Variants in ANO2 observed in about 807,000 individuals in gnomAD.
ANO2 encodes the protein anoctamin-2.
In ANO2, 101 loss-of-function variants were observed where a neutral mutation model predicts 124.2. That is an observed-to-expected ratio of 0.81 (90% CI 0.69 to 0.96). ANO2 has a LOEUF of 0.96. Among genes scored for constraint, ANO2 ranks in the 40% least tolerant of loss-of-function variants. The probability of loss-of-function intolerance (pLI) is 0.00; values close to 1 mark genes in which losing one functional copy is unlikely to be tolerated. For synonymous variants in ANO2, 486 were observed against 482.5 expected (o/e 1.01, Z -0.09); for missense variants, 1,293 against 1,274.5 (o/e 1.01, Z -0.22).
intron 15 of ANO2, among the ~76,000 whole-genome samples, chr12:5,643,893 T>C (rs1038540697): frequency 6.6e-6 from 1 of 152,178 alleles, no homozygotes; most frequent in African/African-American, 2.4e-5. Flanking sequence ...GTTTTCCATG[T>C]TTTTTAATTC....
Position 5,628,707 on chromosome 12 carries a change from T to C in ANO2, c.1816+6445A>G, listed in dbSNP as rs532561368. Among the ~76,000 whole-genome samples, 36 of 152,124 alleles carry C rather than the reference T, an allele frequency of 2.4e-4. No homozygotes were observed. The Middle Eastern group carries it at 0.01, about 43-fold the overall frequency. On this transcript the variant is annotated intron_variant, in intron 16 of 24. Coordinates refer to ENST00000682330, the MANE Select transcript of ANO2 (RefSeq NM_001364791.2). ...GTGTGTGCGCGCGCGCACGCGTGCGTGCACATGTGCATGCATGCATGTGTA... is the reference window on the plus strand; with the variant it reads ...GTGTGTGCGCGCGCGCACGCGTGCGCGCACATGTGCATGCATGCATGTGTA...
At chr12:5,671,106 G>T (rs139263302) in intron 14 of ANO2, among the ~76,000 whole-genome samples, 5 of 152,170 alleles carry the variant, frequency 3.3e-5, no homozygotes, top group Admixed American at 3.3e-4. Flanking sequence ...GTAGAGGTTT[G>T]TGTCTACAAG....
At chr12:5,748,903 T>C (rs1951356312) in intron 11 of ANO2, among the ~76,000 whole-genome samples, 1 of 147,638 alleles carries the variant, frequency 6.8e-6, no homozygotes, top group Non-Finnish European at 1.5e-5. Context: ...ACAAAACACT[T>C]GACAATTGAT....
chr12:5,657,027 C>G (rs1947193572), intron 14 of ANO2, among the ~76,000 whole-genome samples: 1 of 152,108 alleles, frequency 6.6e-6, no homozygotes, highest in Non-Finnish European at 1.5e-5. Context: ...CCACAGGGAA[C>G]TGTGGATGGA....
In ANO2 at chr12:5,758,992, CA is replaced by C. The variant is rs545450597; in HGVS notation, c.1056-8023del. Among the ~76,000 whole-genome samples the C allele has an allele frequency of 1.9e-3, 284 of 151,404 alleles. 2 individuals are homozygous for C. Among genetic ancestry groups the C allele is most frequent in the African/African-American group, 6.6e-3 (273 of 41,280 alleles). ...ACAAAAGATGTATCAAAAGAAAATA[CA>C]AAGGGAAAAAAGAGTGAGGAAAAAC... On this transcript the variant is annotated intron_variant, in intron 10 of 24. Coordinates refer to ENST00000682330, the MANE Select transcript of ANO2 (RefSeq NM_001364791.2).
chr12:5,805,357 G>C (rs1382555646), intron 9 of ANO2, among the ~76,000 whole-genome samples: 2 of 152,132 alleles, frequency 1.3e-5, no homozygotes, highest in African/African-American at 4.8e-5. Flanking sequence ...GTTGTTGAAG[G>C]TGGGGAGAAG....
chr12:5,896,753 AT>A (rs1367667813), intron 3 of ANO2, among the ~76,000 whole-genome samples: 1 of 152,250 alleles, frequency 6.6e-6, no homozygotes, highest in Non-Finnish European at 1.5e-5. Flanking sequence ...TCTCAAAGAA[AT>A]TAAATATTTT....
At chr12:5,661,773 A>G (rs1180784750) in intron 14 of ANO2, among the ~76,000 whole-genome samples, 3 of 152,108 alleles carry the variant, frequency 2.0e-5, no homozygotes, top group Non-Finnish European at 2.9e-5. Context: ...AGGGCCAGGA[A>G]TCTGTTTTTG....
At chr12:5,771,589 G>A (rs1952083313) in intron 10 of ANO2, among the ~76,000 whole-genome samples, 1 of 152,004 alleles carries the variant, frequency 6.6e-6, no homozygotes, top group South Asian at 2.1e-4. Context: ...AGACCAGCCT[G>A]GCCATCAAGA....
chr12:5,721,358 C>T (rs541902134), intron 14 of ANO2, among the ~76,000 whole-genome samples: 3 of 152,338 alleles, frequency 2.0e-5, no homozygotes, highest in South Asian at 4.1e-4. Context: ...CCCACAGTTT[C>T]CACAGGCTGT....
intron 16 of ANO2, among the ~76,000 whole-genome samples, chr12:5,628,681 TGTGTGTGCGCGC>T (rs1318410150): frequency 6.6e-6 from 1 of 151,826 alleles, no homozygotes; most frequent in East Asian, 1.9e-4. Context: ...TGTGTGTGTG[TGTGTGTGCGCGC>T]GCGCACGCGT....
intron 17 of ANO2, 46 bp from the exon 18 acceptor site, chr12:5,613,004 C>T (rs1338877767): frequency 1.6e-5 from 25 of 1,595,362 alleles, no homozygotes; most frequent in Non-Finnish European, 2.1e-5. Flanking sequence ...AGAAAGCATG[C>T]AGGGTGGCTC....
At chr12:5,743,529 C>T (rs1951172880) in intron 12 of ANO2, among the ~76,000 whole-genome samples, 1 of 151,916 alleles carries the variant, frequency 6.6e-6, no homozygotes, top group South Asian at 2.1e-4. Context: ...CTACCTATGG[C>T]TCAGAACAAG....
chr12:5,636,919 T>C lies in ANO2; in HGVS notation c.1621-1572A>G, dbSNP rs543927109. Among the ~76,000 whole-genome samples, 1 of 151,916 alleles carries C rather than the reference T, an allele frequency of 6.6e-6. No individual in the cohort carries two copies. The highest frequency in any genetic ancestry group is 1.5e-5 in the Non-Finnish European group (1 of 67,998). ...ATACCAGTAATTGCCCTATGGGCCG[T>C]GTTGTGAAAAAGAAGCCCTTGGTAA... On this transcript the variant is annotated intron_variant, in intron 15 of 24. Transcript: ENST00000682330. The surrounding 1 kb of genome is among the most constrained non-coding windows in gnomAD (Gnocchi z 4.6).
intron 3 of ANO2, among the ~76,000 whole-genome samples, chr12:5,894,044 A>G (rs541251598): frequency 6.6e-6 from 1 of 152,328 alleles, no homozygotes; most frequent in African/African-American, 2.4e-5. Flanking sequence ...TTCTGGCTCT[A>G]GATCCTTGAG....
intron 7 of ANO2, among the ~76,000 whole-genome samples, chr12:5,810,543 T>C (rs2137179811): frequency 6.6e-6 from 1 of 152,264 alleles, no homozygotes; most frequent in Non-Finnish European, 1.5e-5. Context: ...TCCTCTCAGC[T>C]CTCGACCCAG....
chr12:5,761,843 G>A (rs1169001975), intron 10 of ANO2, among the ~76,000 whole-genome samples: 6 of 152,092 alleles, frequency 3.9e-5, no homozygotes, highest in African/African-American at 1.4e-4. Context: ...TGTCTTCTGA[G>A]TTAGCAGCAA....
intron 14 of ANO2, among the ~76,000 whole-genome samples, chr12:5,724,414 A>C (rs971464124): frequency 2.6e-5 from 4 of 152,160 alleles, no homozygotes; most frequent in Non-Finnish European, 5.9e-5. Flanking sequence ...GAAAGCCTGG[A>C]CCATGTCTCC....
intron 14 of ANO2, among the ~76,000 whole-genome samples, chr12:5,661,306 C>A (rs1558505): frequency 6.6e-6 from 1 of 151,984 alleles, no homozygotes; most frequent in African/African-American, 2.4e-5. Flanking sequence ...GACTGGAGAA[C>A]GGAACCTTAG....
Sources: gnomAD v4.1 joint callset for allele counts (sites outside exome capture counted in the v4.1 genomes callset) on GRCh38, gnomAD v4.1.1 for gene constraint, Gnocchi (gnomAD v3.1) non-coding constraint, MANE v1.5 for transcripts, NCBI Gene and HGNC (gene_info 2026-07-23, HGNC 2026-07-21) for gene names.